The following WWOX variants were observed in gnomAD, a reference collection of about 807,000 sequenced individuals.
The protein encoded by WWOX is WW domain-containing oxidoreductase.
In WWOX, 69 loss-of-function variants were observed where a neutral mutation model predicts 46.2. The ratio of observed to expected loss-of-function variants is 1.49; its 90% CI spans 1.23 to 1.82. The LOEUF (loss-of-function observed/expected upper bound fraction) is 1.82. WWOX is among the 40% of genes most tolerant of loss of function. The probability of loss-of-function intolerance (pLI) is 0.00; values close to 1 mark genes in which losing one functional copy is unlikely to be tolerated. For missense variants in WWOX, 919 were observed against 542.6 expected, an observed-to-expected ratio of 1.69 and a Z score of -6.89; for synonymous variants, 359 against 202.6, an observed-to-expected ratio of 1.77 and a Z score of -6.56.
chr16:78,351,197 G>C (rs1451760094), intron 5 of WWOX, among the ~76,000 whole-genome samples: 1 of 152,180 alleles, frequency 6.6e-6, no homozygotes. Flanking sequence ...GATCCTTCTG[G>C]TTCAGAGGAA....
At chr16:79,033,569 C>G (rs1338238396) in intron 8 of WWOX, among the ~76,000 whole-genome samples, 1 of 152,074 alleles carries the variant, frequency 6.6e-6, no homozygotes, top group Non-Finnish European at 1.5e-5. Context: ...ACCCCTTTAT[C>G]AACATCATGT....
intron 5 of WWOX, among the ~76,000 whole-genome samples, chr16:78,172,990 G>A (rs767050597): frequency 6.6e-6 from 1 of 152,154 alleles, no homozygotes; most frequent in African/African-American, 2.4e-5. Flanking sequence ...TCTCAGACTA[G>A]CAGGTGTTAG....
At chr16:78,690,557 T>TA (rs1567493468) in intron 8 of WWOX, among the ~76,000 whole-genome samples, 1 of 151,792 alleles carries the variant, frequency 6.6e-6, no homozygotes, top group Non-Finnish European at 1.5e-5. Context: ...GTCTGAAAAT[T>TA]AAAAAAAGAA....
At chr16:78,152,291 C>G (rs2034442747) in intron 4 of WWOX, among the ~76,000 whole-genome samples, 1 of 152,068 alleles carries the variant, frequency 6.6e-6, no homozygotes, top group Non-Finnish European at 1.5e-5. Context: ...TTGTCCTATT[C>G]ATGCAATATA....
intron 8 of WWOX, among the ~76,000 whole-genome samples, chr16:79,081,947 A>G (rs2048768049): frequency 6.6e-6 from 1 of 152,208 alleles, no homozygotes; most frequent in Non-Finnish European, 1.5e-5. Flanking sequence ...GTTTGGCTTA[A>G]CTGCAAAGGG....
chr16:78,817,027 T>G (rs191314159), intron 8 of WWOX, among the ~76,000 whole-genome samples: 1 of 152,138 alleles, frequency 6.6e-6, no homozygotes, highest in Non-Finnish European at 1.5e-5. Flanking sequence ...ACCAACTGTT[T>G]TTGATCCCAC....
chr16:78,947,863 G>C (rs200027382), intron 8 of WWOX, among the ~76,000 whole-genome samples: 1 of 152,004 alleles, frequency 6.6e-6, no homozygotes, highest in Non-Finnish European at 1.5e-5. Context: ...AGAGTGGCTT[G>C]TAAGCATCCT....
At chr16:78,488,111 G>A (rs920177959) in intron 8 of WWOX, among the ~76,000 whole-genome samples, 1 of 152,160 alleles carries the variant, frequency 6.6e-6, no homozygotes, top group Non-Finnish European at 1.5e-5. Context: ...GATCTCACAG[G>A]AAACTTGGTA....
At chr16:78,993,237 T>A (rs2046923025) in intron 8 of WWOX, among the ~76,000 whole-genome samples, 1 of 150,182 alleles carries the variant, frequency 6.7e-6, no homozygotes, top group Non-Finnish European at 1.5e-5. Flanking sequence ...AAGCCGAGGA[T>A]AACGGCGCCG....
intron 8 of WWOX, among the ~76,000 whole-genome samples, chr16:78,712,572 C>G (rs770722622): frequency 1.3e-5 from 2 of 151,712 alleles, no homozygotes; most frequent in African/African-American, 4.8e-5. Flanking sequence ...TTGTGTGATG[C>G]TCATTTTGAT....
At chr16:78,758,233 C>G (rs549024159) in intron 8 of WWOX, among the ~76,000 whole-genome samples, 4 of 152,220 alleles carry the variant, frequency 2.6e-5, no homozygotes, top group African/African-American at 7.2e-5. Context: ...GAAAATAGAA[C>G]TATAGTAATT....
intron 8 of WWOX, among the ~76,000 whole-genome samples, chr16:78,749,018 G>C (rs1162294937): frequency 2.0e-5 from 3 of 152,340 alleles, no homozygotes; most frequent in African/African-American, 2.4e-5. Context: ...GTAGCAGTGG[G>C]ATCAGAGAAA....
At chr16:78,565,908 CG>C (rs1896013569) in intron 8 of WWOX, among the ~76,000 whole-genome samples, 1 of 117,668 alleles carries the variant, frequency 8.5e-6, no homozygotes, top group African/African-American at 3.2e-5. Context: ...CCCCGCCCCC[CG>C]CCCCCAACAT....
intron 8 of WWOX, among the ~76,000 whole-genome samples, chr16:78,901,005 T>G (rs1163944712): frequency 2.0e-5 from 3 of 152,184 alleles, no homozygotes; most frequent in Admixed American, 6.5e-5. Context: ...TTTTGAAGTT[T>G]CCAAGAACAT....
At chr16:78,535,173 T>G (rs2738501) in intron 8 of WWOX, 1 of 151,984 alleles carries the variant, frequency 6.6e-6, no homozygotes, top group South Asian at 2.1e-4. Context: ...CCTTGTACTC[T>G]TCGAACAGAG....
At chr16:78,170,638 A>T (rs1479228798) in intron 5 of WWOX, among the ~76,000 whole-genome samples, 1 of 152,232 alleles carries the variant, frequency 6.6e-6, no homozygotes, top group Non-Finnish European at 1.5e-5. Flanking sequence ...TTTGTTGATT[A>T]GTATTTTCCA....
At chr16:78,633,811 G>T (rs1016194892) in intron 8 of WWOX, among the ~76,000 whole-genome samples, 3 of 152,142 alleles carry the variant, frequency 2.0e-5, no homozygotes, top group Non-Finnish European at 4.4e-5. Flanking sequence ...GTGTTCCCGA[G>T]TGCATCAAAC....
intron 6 of WWOX, among the ~76,000 whole-genome samples, chr16:78,419,059 G>T (rs947939630): frequency 6.6e-6 from 1 of 152,048 alleles, no homozygotes; most frequent in Non-Finnish European, 1.5e-5. Flanking sequence ...TCCTAGAAAG[G>T]TACTTAAAAA....
intron 4 of WWOX, among the ~76,000 whole-genome samples, chr16:78,152,330 T>G (rs1407660568): frequency 1.3e-5 from 2 of 152,226 alleles, no homozygotes; most frequent in Non-Finnish European, 2.9e-5. Context: ...ATAAAACATT[T>G]TGGTTGATTG....
Sources: allele counts gnomAD v4.1 joint callset (sites outside exome capture counted in the v4.1 genomes callset), GRCh38; gene constraint gnomAD v4.1.1; transcripts MANE v1.5; gene names NCBI Gene and HGNC (gene_info 2026-07-23, HGNC 2026-07-21).